Variants in LOC128125822 observed in about 807,000 individuals in gnomAD.
chr6:63,574,860 T>A, the LOC128125822 span, among the ~76,000 whole-genome samples: 2 of 152,226 alleles, frequency 1.3e-5, no homozygotes, highest in African/African-American at 4.8e-5. Context: ...ACAATCTGTA[T>A]TCACTGTAAC....
chr6:63,578,751 C>A, the LOC128125822 span: 1 of 1,109,792 alleles, frequency 9.0e-7, no homozygotes, highest in Non-Finnish European at 1.2e-6. Flanking sequence ...CATTTAGTCA[C>A]ATTTGGTAGA....
chr6:63,583,166 C>T, the LOC128125822 span: 1 of 152,084 alleles, frequency 6.6e-6, no homozygotes, highest in South Asian at 2.1e-4. Context: ...TTTGAGAATA[C>T]TTTAAAGGGA....
At chr6:63,581,989 T>G in the LOC128125822 span, 4 of 152,262 alleles carry the variant, frequency 2.6e-5, no homozygotes, top group Admixed American at 2.6e-4. Context: ...ACTCAAAGTT[T>G]AAGTAAAAAG....
At chr6:63,580,273 T>C in the LOC128125822 span, 1 of 988,016 alleles carries the variant, frequency 1.0e-6, no homozygotes, top group Non-Finnish European at 1.6e-6. Flanking sequence ...CTAATGAAGC[T>C]TCCATAGGAG....
the LOC128125822 span, chr6:63,579,276 C>T: frequency 1.2e-6 from 2 of 1,611,292 alleles, no homozygotes; most frequent in Admixed American, 3.4e-5. Flanking sequence ...ACTTGTTGCC[C>T]TAGCATTAAT....
chr6:63,574,524 T>G, the LOC128125822 span, among the ~76,000 whole-genome samples: 1 of 152,220 alleles, frequency 6.6e-6, no homozygotes, highest in South Asian at 2.1e-4. Flanking sequence ...AAATAACCAT[T>G]TCAGGAAGGG....
At chr6:63,575,184 A>G in the LOC128125822 span, among the ~76,000 whole-genome samples, 5 of 152,350 alleles carry the variant, frequency 3.3e-5, no homozygotes, top group East Asian at 9.6e-4. Context: ...TTTGAATTTT[A>G]ATTTTAAGAC....
At chr6:63,579,182 G>C in the LOC128125822 span, 2 of 1,472,198 alleles carry the variant, frequency 1.4e-6, no homozygotes, top group African/African-American at 2.8e-5. Context: ...TTCTGAGTTG[G>C]GGAATGTTTG....
chr6:63,575,360 G>A, the LOC128125822 span, among the ~76,000 whole-genome samples: 1 of 152,252 alleles, frequency 6.6e-6, no homozygotes, highest in South Asian at 2.1e-4. Flanking sequence ...GAGTACACAA[G>A]TACCTTATAA....
At chr6:63,582,435 A>G in the LOC128125822 span, 1 of 152,638 alleles carries the variant, frequency 6.6e-6, no homozygotes, top group Non-Finnish European at 1.5e-5. Flanking sequence ...TTATCTGTAC[A>G]TTATACGATG....
At chr6:63,580,939 G>C in the LOC128125822 span, 1 of 152,468 alleles carries the variant, frequency 6.6e-6, no homozygotes, top group Non-Finnish European at 1.5e-5. Context: ...AAAAGAATGG[G>C]AGGGGGCTAT....
chr6:63,576,837 T>C, the LOC128125822 span: 19 of 1,493,228 alleles, frequency 1.3e-5, no homozygotes, highest in Middle Eastern at 7.1e-4. Context: ...TCAATTTTTT[T>C]AATTATTTCA....
chr6:63,579,229 C>T, the LOC128125822 span: 1 of 1,569,866 alleles, frequency 6.4e-7, no homozygotes, highest in African/African-American at 1.4e-5. Flanking sequence ...TTTGAAAAAA[C>T]TATTTATCAA....
the LOC128125822 span, chr6:63,579,342 G>T: frequency 6.4e-7 from 1 of 1,572,450 alleles, no homozygotes; most frequent in Non-Finnish European, 8.7e-7. Flanking sequence ...GTAAGTAATG[G>T]ATTCTCTTTT....
At chr6:63,572,545 G>C in the LOC128125822 span, 1 of 396,352 alleles carries the variant, frequency 2.5e-6, no homozygotes, top group Non-Finnish European at 4.4e-6. Flanking sequence ...GCTCCGAGCC[G>C]CTCACTGCAT....
the LOC128125822 span, chr6:63,573,643 C>T: frequency 2.1e-3 from 314 of 152,598 alleles, no homozygotes; most frequent in Non-Finnish European, 2.5e-3. Context: ...GCCCCGCCCT[C>T]CTCCCAGGCT....
chr6:63,579,983 G>A, the LOC128125822 span: 3 of 1,084,996 alleles, frequency 2.8e-6, no homozygotes, highest in Non-Finnish European at 1.4e-6. Context: ...AGAGGTGATG[G>A]TTGTCTATAA....
the LOC128125822 span, chr6:63,580,122 G>A: frequency 2.5e-6 from 4 of 1,613,430 alleles, no homozygotes; most frequent in Non-Finnish European, 1.7e-6. Context: ...CCTAAAATGC[G>A]GCTGCGTTTC....
At chr6:63,580,034 T>C in the LOC128125822 span, 2 of 176,468 alleles carry the variant, frequency 1.1e-5, no homozygotes, top group Non-Finnish European at 2.2e-5. Context: ...CCTTGTTTCA[T>C]TTTTTTTTTT....
Sources: allele counts gnomAD v4.1 joint callset (sites outside exome capture counted in the v4.1 genomes callset), GRCh38; gene constraint gnomAD v4.1.1; transcripts MANE v1.5.